SPON1: variants seen among roughly 807,000 people sequenced by gnomAD.
SPON1 encodes the protein spondin 1.
SPON1 carries 52 observed loss-of-function variants against 111.7 expected under a neutral mutation model. The ratio of observed to expected loss-of-function variants is 0.47; its 90% CI spans 0.37 to 0.59. The LOEUF is 0.59. SPON1 is among the 20% of genes least tolerant of loss of function. The pLI is 0.00. For synonymous variants in SPON1, 410 were observed against 395.8 expected (o/e 1.04, Z -0.43); for missense variants, 957 against 1,068.5 (o/e 0.90, Z 1.46).
At chr11:14,170,442 CAG>C (rs552061950) in intron 6 of SPON1, among the ~76,000 whole-genome samples, 29 of 152,292 alleles carry the variant, frequency 1.9e-4, no homozygotes, top group East Asian at 1.5e-3. Flanking sequence ...CATCTGCAAA[CAG>C]GGACAATTTG....
chr11:14,170,646 G>T (rs144592895), intron 6 of SPON1, among the ~76,000 whole-genome samples: 7 of 151,504 alleles, frequency 4.6e-5, no homozygotes, highest in African/African-American at 9.7e-5. Context: ...CATAGATAGC[G>T]CTTATTATTG....
intron 2 of SPON1, among the ~76,000 whole-genome samples, chr11:14,031,592 C>T (rs555003244): frequency 5.3e-5 from 8 of 151,590 alleles, no homozygotes; most frequent in Non-Finnish European, 1.2e-4. Flanking sequence ...CCGCTATTAA[C>T]AAATTTTAAA....
chr11:13,967,729 A>C (rs1554908167), intron 1 of SPON1, among the ~76,000 whole-genome samples: 1 of 152,174 alleles, frequency 6.6e-6, no homozygotes, highest in Non-Finnish European at 1.5e-5. Context: ...AGTGCTGCTG[A>C]TGATATTATA....
Position 14,257,699 on chromosome 11 carries a change from TCAAA to T in SPON1, c.1310-14_1310-11del. 4 of 1,589,192 alleles carry T rather than the reference TCAAA, an allele frequency of 2.5e-6. No homozygotes were observed. Among genetic ancestry groups the T allele is most frequent in the Non-Finnish European group, 3.4e-6 (4 of 1,165,026 alleles). The stretch of plus-strand genomic sequence containing the variant: ...CCCATAGGTTCCCAGGGAAAACATG[TCAAA>T]CACTCTTTCCAGATGACACCCCTGA... On this transcript the variant is annotated splice_polypyrimidine_tract_variant and intron_variant, in intron 10 of 15. Coordinates refer to ENST00000576479, the MANE Select transcript of SPON1 (RefSeq NM_006108.4).
At chr11:14,149,558 A>G (rs1176572916) in intron 6 of SPON1, among the ~76,000 whole-genome samples, 1 of 152,214 alleles carries the variant, frequency 6.6e-6, no homozygotes, top group Non-Finnish European at 1.5e-5. Context: ...AGTAGTGTGC[A>G]GTAATGTCCT....
chr11:14,004,604 A>T (rs1193233500), intron 2 of SPON1, among the ~76,000 whole-genome samples: 3 of 152,152 alleles, frequency 2.0e-5, no homozygotes, highest in Non-Finnish European at 2.9e-5. Context: ...ACACCTTTTC[A>T]TATACCTGTT....
At chr11:14,160,873 A>G (rs1170705398) in intron 6 of SPON1, among the ~76,000 whole-genome samples, 1 of 37,934 alleles carries the variant, frequency 2.6e-5, no homozygotes, top group Non-Finnish European at 4.3e-5. Context: ...ATATATTTTT[A>G]TATTTTTATA....
intron 3 of SPON1, among the ~76,000 whole-genome samples, chr11:14,044,180 A>G (rs1263299387): frequency 6.6e-6 from 1 of 151,736 alleles, no homozygotes; most frequent in Non-Finnish European, 1.5e-5. Context: ...TGAAGGAATC[A>G]TATATAAGCT....
At position 14,261,400 on chromosome 11, in the gene SPON1, G is replaced by A. The variant is rs377312972; in HGVS notation, c.1996+648G>A. Among the ~76,000 whole-genome samples the A allele has an allele frequency of 9.8e-5, 15 of 152,336 alleles. No homozygotes were observed. In the South Asian group the frequency reaches 1.7e-3, roughly 17 times the overall value. On this transcript the variant is annotated intron_variant, in intron 14 of 15. Coordinates refer to ENST00000576479, the MANE Select transcript of SPON1 (RefSeq NM_006108.4). ...CTGTGGCTCTGGCCCCCTCCAGCAT[G>A]TACTTGCAGTCGTTCATCCTCCCTC...
At chr11:14,048,837 G>A (rs1438069903) in intron 3 of SPON1, among the ~76,000 whole-genome samples, 1 of 152,210 alleles carries the variant, frequency 6.6e-6, no homozygotes, top group Non-Finnish European at 1.5e-5. Context: ...CCATGGATTT[G>A]TTACCTTTGG....
chr11:14,250,492 T>C (rs782737041), intron 7 of SPON1, among the ~76,000 whole-genome samples: 1 of 152,130 alleles, frequency 6.6e-6, no homozygotes, highest in Admixed American at 6.5e-5. Context: ...GCCTATTTTG[T>C]ATAGTCCTTA....
chr11:14,228,968 A>G lies in SPON1; in HGVS notation c.826-14364A>G, dbSNP rs1343611995. Among the ~76,000 whole-genome samples, 9 of 152,206 alleles carry G rather than the reference A, an allele frequency of 5.9e-5. No individual in the cohort carries two copies. The highest frequency in any genetic ancestry group is 2.2e-4 in the African/African-American group (9 of 41,456). ...AAGAAGACTCTAACAACATATTTAC[A>G]GGCCCCTAGAGGTCTTCAGAACCTA... On this transcript the variant is annotated intron_variant, in intron 6 of 15. Transcript: ENST00000576479. This position sits in a 1 kb window ranked among gnomAD's most constrained non-coding sequence, Gnocchi z 4.2.
chr11:14,206,767 G>A (rs1240107158), intron 6 of SPON1, among the ~76,000 whole-genome samples: 2 of 152,088 alleles, frequency 1.3e-5, no homozygotes, highest in African/African-American at 2.4e-5. Flanking sequence ...TTCCATGCCC[G>A]TGGATAGGGA....
chr11:14,003,066 G>A (rs577642904), intron 2 of SPON1, among the ~76,000 whole-genome samples: 3 of 152,244 alleles, frequency 2.0e-5, no homozygotes, highest in East Asian at 3.9e-4. Context: ...TGGCCTCCGC[G>A]TTGTCCGTGC....
At chr11:14,054,566 CT>C (rs35043771) in intron 3 of SPON1, among the ~76,000 whole-genome samples, 12 of 148,174 alleles carry the variant, frequency 8.1e-5, no homozygotes, top group African/African-American at 9.9e-5. Flanking sequence ...GTTTTCTTTT[CT>C]TTTTTTTTTT....
At chr11:14,128,589 G>A (rs1847490259) in intron 5 of SPON1, among the ~76,000 whole-genome samples, 1 of 152,194 alleles carries the variant, frequency 6.6e-6, no homozygotes, top group South Asian at 2.1e-4. Context: ...AGTGCAAGCT[G>A]TCAGTGAATC....
intron 6 of SPON1, among the ~76,000 whole-genome samples, chr11:14,204,432 T>G (rs988307004): frequency 3.3e-5 from 5 of 151,944 alleles, no homozygotes; most frequent in African/African-American, 4.8e-5. Context: ...CAGGTGTGCA[T>G]CACCTGTGGT....
chr11:14,114,623 C>T (rs1291595337), intron 5 of SPON1, among the ~76,000 whole-genome samples: 2 of 152,182 alleles, frequency 1.3e-5, no homozygotes, highest in African/African-American at 4.8e-5. Context: ...TCTATTTCTT[C>T]ACTTGACTGT....
chr11:13,962,813 C>A lies in SPON1; in HGVS notation c.-92C>A. ...TCCGAGCTCCCTCTCTCCGCCGCGC[C>A]TCCGCCAGGTCGCGCCTTCGTCGGG... On this transcript the variant is annotated 5_prime_UTR_variant, in exon 1 of 16. Coordinates refer to ENST00000576479, the MANE Select transcript of SPON1 (RefSeq NM_006108.4). 1 of 1,225,640 alleles carries A rather than the reference C, an allele frequency of 8.2e-7. No individual in the cohort carries two copies. The highest frequency in any genetic ancestry group is 1.1e-6 in the Non-Finnish European group (1 of 931,720). 75.9% of individuals were successfully genotyped at this position (1,225,640 alleles called of 1,614,324 possible).
Sources: gnomAD v4.1 joint callset for allele counts (sites outside exome capture counted in the v4.1 genomes callset) on GRCh38, gnomAD v4.1.1 for gene constraint, Gnocchi (gnomAD v3.1) non-coding constraint, MANE v1.5 for transcripts, NCBI Gene and HGNC (gene_info 2026-07-23, HGNC 2026-07-21) for gene names.